AGO2: variants seen among roughly 807,000 people sequenced by gnomAD.
The protein encoded by AGO2 is protein argonaute-2.
Under a neutral mutation model 102.3 loss-of-function variants are expected in AGO2, and 5 were observed. The ratio of observed to expected loss-of-function variants is 0.05; its 90% CI spans 0.03 to 0.10. The LOEUF (loss-of-function observed/expected upper bound fraction) is 0.10. Ranked by LOEUF, AGO2 falls within the 10% of genes least tolerant of loss-of-function variation. The probability of loss-of-function intolerance (pLI) is 1.00; values close to 1 mark genes in which losing one functional copy is unlikely to be tolerated. For synonymous variants in AGO2, 449 were observed against 473.1 expected (o/e 0.95, Z 0.66); for missense variants, 541 against 1,183.7 (o/e 0.46, Z 7.97).
At chr8:140,603,339 G>A (rs981710251) in intron 1 of AGO2, among the ~76,000 whole-genome samples, 5 of 152,208 alleles carry the variant, frequency 3.3e-5, no homozygotes, top group Non-Finnish European at 7.3e-5. Flanking sequence ...GTGCAAGGGA[G>A]GAGGGATCCA....
chr8:140,541,326 G>A lies in AGO2; in HGVS notation c.1872C>T (p.Arg624=). 4 of 1,611,470 alleles carry A rather than the reference G, an allele frequency of 2.5e-6. No homozygotes were observed. The highest frequency in any genetic ancestry group is 3.4e-6 in the Non-Finnish European group (4 of 1,179,374). The part of the protein sequence containing the change: ...VVGSMDAHPN[R]YCATVRVQQH... Reference sequence around the variant, plus strand: ...GCTGCACGCGCACGGTGGCGCAGTAGCGATTGGGGTGGGCGTCCATGCTGC... The same window carrying A: ...GCTGCACGCGCACGGTGGCGCAGTAACGATTGGGGTGGGCGTCCATGCTGC... The change falls in exon 15 of 19, where the codon CGC becomes CGT. Residue 624 remains arginine, a synonymous_variant. Transcript: ENST00000220592.
At chr8:140,537,458 T>C (rs1282285780) in intron 16 of AGO2, among the ~76,000 whole-genome samples, 1 of 152,018 alleles carries the variant, frequency 6.6e-6, no homozygotes, top group Non-Finnish European at 1.5e-5. Context: ...TATGCTACCA[T>C]ACACAACTAA....
chr8:140,596,883 C>G (rs574896475), intron 1 of AGO2, among the ~76,000 whole-genome samples: 4 of 152,142 alleles, frequency 2.6e-5, no homozygotes. Context: ...TCTCATCCTG[C>G]GAGACACAAC....
At chr8:140,639,913 C>G (rs2074431228), upstream of AGO2, among the ~76,000 whole-genome samples, 1 of 152,190 alleles carries the variant, frequency 6.6e-6, no homozygotes, top group Non-Finnish European at 1.5e-5. Flanking sequence ...GTGAGCGTGT[C>G]TGAATACAGG....
chr8:140,585,403 C>CA, intron 1 of AGO2, 92 bp from the exon 2 acceptor site: 1 of 1,430,736 alleles, frequency 7.0e-7, no homozygotes, highest in Non-Finnish European at 9.5e-7. Context: ...ATATGCCCCC[C>CA]TCTGCTGTTT....
At chr8:140,579,215 A>G (rs2073513158) in intron 2 of AGO2, among the ~76,000 whole-genome samples, 1 of 151,676 alleles carries the variant, frequency 6.6e-6, no homozygotes, top group Admixed American at 6.6e-5. Flanking sequence ...AGAGGGAGAC[A>G]CTGTTTCAAA....
intron 2 of AGO2, among the ~76,000 whole-genome samples, chr8:140,577,247 G>A (rs985860963): frequency 6.1e-5 from 9 of 148,710 alleles, no homozygotes; most frequent in African/African-American, 9.9e-5. Flanking sequence ...CCTGGGGAAC[G>A]AAGCCAGCCA....
In AGO2 at chr8:140,607,866, G is replaced by A. The variant is rs882958; in HGVS notation, c.23-22555C>T. ...TCTGGACCTAGATGGAGTGATGCGCGCCCAACATCATGATGGACTTAACGC... is the reference window on the plus strand; with the variant it reads ...TCTGGACCTAGATGGAGTGATGCGCACCCAACATCATGATGGACTTAACGC... On this transcript the variant is annotated intron_variant, in intron 1 of 18. Transcript: ENST00000220592. Among the ~76,000 whole-genome samples the A allele has an allele frequency of 3.0e-3, 455 of 152,138 alleles. 2 individuals carry two copies. The highest frequency in any genetic ancestry group is 5.1e-3 in the Non-Finnish European group (349 of 68,000).
intron 1 of AGO2, among the ~76,000 whole-genome samples, chr8:140,630,942 T>C (rs2074333598): frequency 6.6e-6 from 1 of 152,118 alleles, no homozygotes; most frequent in Non-Finnish European, 1.5e-5. Context: ...CAGTCTCAGC[T>C]ACTAGGGAGG....
At chr8:140,612,220 C>CAA (rs542472147) in intron 1 of AGO2, among the ~76,000 whole-genome samples, 11 of 95,958 alleles carry the variant, frequency 1.1e-4, no homozygotes, top group African/African-American at 2.6e-4. Context: ...GACTCTGTCT[C>CAA]AAAAAAAAAA....
intron 1 of AGO2, among the ~76,000 whole-genome samples, chr8:140,597,447 C>T (rs868560997): frequency 1.3e-5 from 2 of 148,980 alleles, no homozygotes; most frequent in Middle Eastern, 3.5e-3. Flanking sequence ...CAGCCACGGA[C>T]ACCGATGGGG....
chr8:140,546,664 G>A (rs2072906831), intron 13 of AGO2, among the ~76,000 whole-genome samples: 1 of 152,206 alleles, frequency 6.6e-6, no homozygotes, highest in South Asian at 2.1e-4. Context: ...ACAGATCCAC[G>A]CCACAGGGGC....
In AGO2 at chr8:140,557,253, C is replaced by A. The variant is rs2073112834; in HGVS notation, c.879-17G>T. 1 of 1,604,964 alleles carries A rather than the reference C, an allele frequency of 6.2e-7. No homozygotes were observed. Among genetic ancestry groups the A allele is most frequent in the African/African-American group, 1.3e-5 (1 of 74,706 alleles). On this transcript the variant is annotated splice_polypyrimidine_tract_variant and intron_variant, in intron 7 of 18. Coordinates refer to ENST00000220592, the MANE Select transcript of AGO2 (RefSeq NM_012154.5). This position sits in a 1 kb window ranked among gnomAD's most constrained non-coding sequence, Gnocchi z 5.9. The stretch of plus-strand genomic sequence containing the variant: ...AGCGGGAATCTGAGGAGCAAAGGGG[C>A]TGTTCAGGCCGAGGGCATCCCGGAG...
intron 1 of AGO2, among the ~76,000 whole-genome samples, chr8:140,593,496 T>C (rs540566528): frequency 2.0e-4 from 29 of 145,906 alleles, no homozygotes; most frequent in African/African-American, 6.9e-4. Context: ...CCGGCCGACA[T>C]ACACTGATCT....
chr8:140,569,297 G>A (rs1202692211), intron 3 of AGO2, among the ~76,000 whole-genome samples: 3 of 152,240 alleles, frequency 2.0e-5, no homozygotes, highest in Non-Finnish European at 4.4e-5. Context: ...CTGTGGGTCT[G>A]CCCTAACTTC....
intron 2 of AGO2, among the ~76,000 whole-genome samples, chr8:140,575,602 G>A (rs1365891317): frequency 6.6e-6 from 1 of 152,148 alleles, no homozygotes; most frequent in Non-Finnish European, 1.5e-5. Context: ...AGAGTAAGAT[G>A]GCACACACCC....
intron 2 of AGO2, among the ~76,000 whole-genome samples, chr8:140,579,090 G>A (rs924583463): frequency 6.6e-6 from 1 of 152,024 alleles, no homozygotes; most frequent in African/African-American, 2.4e-5. Flanking sequence ...GAGTGTGGTG[G>A]TGCGCGCCTG....
intron 10 of AGO2, among the ~76,000 whole-genome samples, chr8:140,553,056 TATA>T (rs1327683900): frequency 2.0e-5 from 3 of 152,222 alleles, no homozygotes; most frequent in Admixed American, 6.5e-5. Flanking sequence ...TTCCTCACAT[TATA>T]ATGTTTTAGA....
At position 140,525,938 on chromosome 8, in the gene AGO2, G is replaced by A. The variant is rs539613892; in HGVS notation, c.*6106C>T. ...AAGTCTGCATCAGACGGTCCACTGC[G>A]CCACTAGTGGGAACTTCTACTTCAA... On this transcript the variant is annotated 3_prime_UTR_variant, in exon 19 of 19. Coordinates refer to ENST00000220592, the MANE Select transcript of AGO2 (RefSeq NM_012154.5). 6.6e-6 allele frequency: 1 copy of A among 152,304 alleles called. No homozygotes were observed. The highest frequency in any genetic ancestry group is 6.5e-5 in the Admixed American group (1 of 15,300). 9.4% of individuals were successfully genotyped at this position (152,304 alleles called of 1,614,324 possible).
Sources: allele counts gnomAD v4.1 joint callset (sites outside exome capture counted in the v4.1 genomes callset), GRCh38; gene constraint gnomAD v4.1.1; non-coding constraint Gnocchi (gnomAD v3.1); transcripts MANE v1.5; gene names NCBI Gene and HGNC (gene_info 2026-07-23, HGNC 2026-07-21).